THADA: variants seen among roughly 807,000 people sequenced by gnomAD.
THADA encodes the protein THADA armadillo repeat containing, also known as tRNA (32-2'-O)-methyltransferase regulator THADA.
A neutral mutation model predicts 219.8 loss-of-function variants in THADA; 213 were observed. The observed-to-expected ratio is 0.97, with a 90% CI of 0.87 to 1.09. The LOEUF is 1.09. Ranked by LOEUF, THADA falls within the 50% of genes least tolerant of loss-of-function variation. THADA has a pLI of 0.00. For missense variants in THADA, 2,956 were observed against 2,311.3 expected (o/e 1.28, Z -5.72); for synonymous variants, 1,018 against 828.9 (o/e 1.23, Z -3.92).
At chr2:43,460,489 T>C (rs780343866) in intron 26 of THADA, among the ~76,000 whole-genome samples, 2 of 152,082 alleles carry the variant, frequency 1.3e-5, no homozygotes, top group African/African-American at 4.8e-5. Context: ...GGTACAAAGG[T>C]ACTCAGTGGT....
chr2:43,462,524 G>A (rs1683755413), intron 26 of THADA, among the ~76,000 whole-genome samples: 1 of 152,118 alleles, frequency 6.6e-6, no homozygotes, highest in Non-Finnish European at 1.5e-5. Flanking sequence ...CCTCTAATAT[G>A]TTCAAACATT....
rs575137244 is a variant in THADA at position 43,301,378 on chromosome 2, C to T, written c.4439-8165G>A. On this transcript the variant is annotated intron_variant, in intron 31 of 37. Coordinates refer to ENST00000405975, the MANE Select transcript of THADA (RefSeq NM_022065.5). ...GAATGTTCCTGGCAGGCAGGCCAGC[C>T]ACCTGGCCAGACCTTCAGCAATGTA... is the stretch of plus-strand genomic sequence containing the variant. Among the ~76,000 whole-genome samples the T allele has an allele frequency of 5.9e-4, 90 of 152,370 alleles. 1 individual carries two copies. The highest frequency in any genetic ancestry group is 2.0e-3 in the African/African-American group (85 of 41,584).
At chr2:43,279,997 G>A in intron 35 of THADA, 101 bp from the exon 36 acceptor site, 2 of 1,152,464 alleles carry the variant, frequency 1.7e-6, no homozygotes, top group East Asian at 3.1e-5. Context: ...CATTGAATGA[G>A]TTACAGCTAT....
intron 26 of THADA, among the ~76,000 whole-genome samples, chr2:43,482,931 G>C (rs1045104610): frequency 4.6e-5 from 7 of 152,192 alleles, no homozygotes; most frequent in African/African-American, 1.7e-4. Flanking sequence ...CTGGTATATA[G>C]ATGGAGAAAC....
chr2:43,350,859 T>G (rs1226323622), intron 29 of THADA, among the ~76,000 whole-genome samples: 1 of 152,182 alleles, frequency 6.6e-6, no homozygotes, highest in Admixed American at 6.5e-5. Flanking sequence ...ACATGACACC[T>G]TACTGTGTTG....
At chr2:43,554,309 T>A (rs1405363197) in intron 17 of THADA, among the ~76,000 whole-genome samples, 2 of 152,218 alleles carry the variant, frequency 1.3e-5, no homozygotes, top group Non-Finnish European at 2.9e-5. Context: ...GTGAATCTAA[T>A]TTCATTCTCT....
rs368819280 is a variant in THADA, at chr2:43,548,348, G to A, written c.3106+862C>T. Among the ~76,000 whole-genome samples, 121 of 152,326 alleles carry A rather than the reference G, an allele frequency of 7.9e-4. No individual in the cohort carries two copies. The South Asian group carries it at 8.3e-3, about 10-fold the overall frequency. On this transcript the variant is annotated intron_variant, in intron 20 of 37. Transcript: ENST00000405975. ...ACCCACTTGAGGAGGCAGTCTGCCC[G>A]TTCTCAGATCTCCAGCTGTGTGCTG...
rs562293888 is a variant in THADA at position 43,265,538 on chromosome 2, T to A, written c.5296+14227A>T. 3.3e-5 allele frequency among the ~76,000 whole-genome samples: 5 copies of A among 152,272 alleles called. No homozygotes were observed. The South Asian group carries it at 1.0e-3, about 32-fold the overall frequency. Reference sequence around the variant, plus strand: ...GCTGGGCTTCCACTTAAAACGTCTGTTATCACTCCTGTATCCCCCACGGAG... The same window carrying A: ...GCTGGGCTTCCACTTAAAACGTCTGATATCACTCCTGTATCCCCCACGGAG... On this transcript the variant is annotated intron_variant, in intron 36 of 37. Transcript: ENST00000405975.
chr2:43,279,903 A>C lies in THADA; in HGVS notation c.5165-7T>G, dbSNP rs1468662984. ...GCAAGTGTATCCTGCAACTCTAAGA[A>C]GACCAAAAGGAATCTGAATTACCTA... On this transcript the variant is annotated splice_polypyrimidine_tract_variant and splice_region_variant and intron_variant, in intron 35 of 37. Transcript: ENST00000405975. The C allele has an allele frequency of 5.3e-6, 8 of 1,512,994 alleles. No homozygotes were observed. The highest frequency in any genetic ancestry group is 7.0e-6 in the Non-Finnish European group (8 of 1,136,774). 93.7% of individuals were successfully genotyped at this position (1,512,994 alleles called of 1,614,324 possible). A position where few individuals can be genotyped will look rare whatever the true frequency, so the allele number is the denominator to read the frequency against.
At chr2:43,560,168 T>C (rs1025759744) in intron 16 of THADA, 66 bp downstream of exon 16, 8 of 1,387,886 alleles carry the variant, frequency 5.8e-6, no homozygotes, top group Non-Finnish European at 5.9e-6. Flanking sequence ...AATCCTCAGA[T>C]TGCTTTATCT....
intron 30 of THADA, among the ~76,000 whole-genome samples, chr2:43,335,685 G>C (rs933348982): frequency 2.0e-5 from 3 of 151,918 alleles, no homozygotes; most frequent in African/African-American, 7.3e-5. Context: ...TGGGCTGAGT[G>C]TGGTGGCTCA....
In THADA at chr2:43,574,905, C is replaced by T; in HGVS notation, c.1160G>A (p.Ser387Asn). The change falls in exon 11 of 38, where the codon AGT (serine) becomes AAT (asparagine). Residue 387 changes from serine (S) to asparagine (N), a missense_variant. Transcript: ENST00000405975. ...SLTDSLNGNS[S>N]IVGRLLEYVY... ...ATATTCCAAAAGTCTCCCAACTATA[C>T]TTGAATTCCCATTCAGGCTGTCCGT... 12 of 1,613,994 alleles carry T rather than the reference C, an allele frequency of 7.4e-6. No individual in the cohort carries two copies. The highest frequency in any genetic ancestry group is 9.3e-6 in the Non-Finnish European group (11 of 1,179,890).
intron 26 of THADA, among the ~76,000 whole-genome samples, chr2:43,468,590 C>T (rs1684543600): frequency 6.6e-6 from 1 of 152,204 alleles, no homozygotes. Context: ...ATTATACTCA[C>T]TGCTACCAAA....
At chr2:43,590,261 AC>A (rs762088906) in intron 4 of THADA, among the ~76,000 whole-genome samples, 3 of 152,204 alleles carry the variant, frequency 2.0e-5, no homozygotes, top group African/African-American at 4.8e-5. Context: ...AGAGGAAAAA[AC>A]AGCAAGATGA....
At chr2:43,286,861 A>G in intron 35 of THADA, 47 bp downstream of exon 35, 1 of 1,582,454 alleles carries the variant, frequency 6.3e-7, no homozygotes, top group Non-Finnish European at 8.6e-7. Context: ...ATCTATTCAT[A>G]TTTTAAGTGA....
intron 14 of THADA, among the ~76,000 whole-genome samples, chr2:43,567,376 T>C (rs978850405): frequency 6.6e-6 from 1 of 152,188 alleles, no homozygotes; most frequent in Non-Finnish European, 1.5e-5. Context: ...ATGCCTGTAA[T>C]CCCAGCACTT....
In THADA at chr2:43,586,287, T is replaced by C. The variant is rs967255604; in HGVS notation, c.533+114A>G. The C allele has an allele frequency of 6.8e-6, 6 of 877,304 alleles. No individual in the cohort carries two copies. The South Asian group carries it at 1.3e-4, about 20-fold the overall frequency. 54.3% of individuals were successfully genotyped at this position (877,304 alleles called of 1,614,324 possible). A position where few individuals can be genotyped will look rare whatever the true frequency, so the allele number is the denominator to read the frequency against. Reference sequence around the variant, plus strand: ...CTCAAAAAAAATATAAAAGTGATAATATTAATGAAAAGGGATGAAAAGATC... The same window carrying C: ...CTCAAAAAAAATATAAAAGTGATAACATTAATGAAAAGGGATGAAAAGATC... On this transcript the variant is annotated intron_variant, in intron 7 of 37. Transcript: ENST00000405975.
intron 7 of THADA, among the ~76,000 whole-genome samples, chr2:43,583,147 T>G (rs1700635383): frequency 6.6e-6 from 1 of 152,238 alleles, no homozygotes; most frequent in East Asian, 1.9e-4. Flanking sequence ...CTGGTATATC[T>G]AACTTCCTGA....
intron 30 of THADA, among the ~76,000 whole-genome samples, chr2:43,342,218 A>G (rs1488008898): frequency 6.6e-6 from 1 of 152,220 alleles, no homozygotes; most frequent in East Asian, 1.9e-4. Flanking sequence ...CCTGTCTAAA[A>G]AAAGGGAGAA....
Sources: allele counts gnomAD v4.1 joint callset (sites outside exome capture counted in the v4.1 genomes callset), GRCh38; gene constraint gnomAD v4.1.1; transcripts MANE v1.5; gene names NCBI Gene and HGNC (gene_info 2026-07-23, HGNC 2026-07-21).